The following ARHGAP32 variants were observed in gnomAD, a reference collection of about 807,000 sequenced individuals.
ARHGAP32 encodes the protein rho GTPase-activating protein 32.
In ARHGAP32, 51 loss-of-function variants were observed where a neutral mutation model predicts 186.5. The observed-to-expected ratio is 0.27, with a 90% confidence interval of 0.22 to 0.35. ARHGAP32 has a LOEUF of 0.35. Ranked by LOEUF, ARHGAP32 falls within the 10% of genes least tolerant of loss-of-function variation. The pLI is 1.00. For synonymous variants in ARHGAP32, 950 were observed against 964.3 expected (o/e 0.99, Z 0.27); for missense variants, 2,186 against 2,623.5 (o/e 0.83, Z 3.64).
chr11:129,178,157 C>T (rs1463900296), intron 1 of ARHGAP32, among the ~76,000 whole-genome samples: 1 of 151,684 alleles, frequency 6.6e-6, no homozygotes, highest in East Asian at 1.9e-4. Flanking sequence ...AACAGACAAA[C>T]AGAGAGCCAA....
intron 1 of ARHGAP32, among the ~76,000 whole-genome samples, chr11:129,209,313 T>C (rs1415734607): frequency 6.6e-6 from 1 of 151,810 alleles, no homozygotes; most frequent in Non-Finnish European, 1.5e-5. Flanking sequence ...CAAAAGAAGT[T>C]AGAGAGAGGC....
intron 5 of ARHGAP32, among the ~76,000 whole-genome samples, chr11:129,118,865 C>G (rs1411475915): frequency 6.6e-6 from 1 of 151,868 alleles, no homozygotes; most frequent in Admixed American, 6.6e-5. Flanking sequence ...ATTATAAAAT[C>G]TTAGTAGAGT....
intron 5 of ARHGAP32, among the ~76,000 whole-genome samples, chr11:129,112,577 T>G (rs1268468998): frequency 6.6e-6 from 1 of 152,164 alleles, no homozygotes; most frequent in Non-Finnish European, 1.5e-5. Context: ...CATGCAGATA[T>G]CCTTTCTTCT....
chr11:128,995,900 T>C (rs1357099227), intron 12 of ARHGAP32, among the ~76,000 whole-genome samples: 2 of 152,226 alleles, frequency 1.3e-5, no homozygotes, highest in Admixed American at 6.5e-5. Context: ...CATTATGCTA[T>C]GATGAACACT....
intron 12 of ARHGAP32, among the ~76,000 whole-genome samples, chr11:128,992,336 T>C (rs182354338): frequency 6.6e-6 from 1 of 152,068 alleles, no homozygotes; most frequent in African/African-American, 2.4e-5. Context: ...AAACTTTTAA[T>C]GAAATTCAGT....
chr11:129,136,747 T>C lies in ARHGAP32; in HGVS notation c.226-11853A>G, dbSNP rs560626926. ...ATTAAAATGAGGAAAAAGCATTAGATTATTGCAATAGATAACAGAAAAATT... is the reference window on the plus strand; with the variant it reads ...ATTAAAATGAGGAAAAAGCATTAGACTATTGCAATAGATAACAGAAAAATT... On this transcript the variant is annotated intron_variant, in intron 2 of 22. Transcript: ENST00000682385. Among the ~76,000 whole-genome samples, 4 of 152,168 alleles carry C rather than the reference T, an allele frequency of 2.6e-5. No homozygotes were observed. The South Asian group carries it at 8.3e-4, about 32-fold the overall frequency.
intron 1 of ARHGAP32, among the ~76,000 whole-genome samples, chr11:129,216,145 G>GT (rs1944641308): frequency 6.6e-6 from 1 of 152,090 alleles, no homozygotes; most frequent in African/African-American, 2.4e-5. Flanking sequence ...AACCAGAAGA[G>GT]TAAGTTTCTA....
chr11:129,267,751 T>A (rs567414154), intron 1 of ARHGAP32, among the ~76,000 whole-genome samples: 2 of 152,162 alleles, frequency 1.3e-5, no homozygotes, highest in Admixed American at 1.3e-4. Context: ...TAAAGAAGGT[T>A]TATTTGGTGC....
chr11:129,251,950 T>C (rs1427853154), intron 1 of ARHGAP32, among the ~76,000 whole-genome samples: 1 of 133,192 alleles, frequency 7.5e-6, no homozygotes, highest in Non-Finnish European at 1.6e-5. Context: ...AAAAAAAAAG[T>C]ACCATTACCA....
In ARHGAP32 at chr11:129,234,390, T is replaced by G. The variant is rs995488283; in HGVS notation, c.-5+44756A>C. ...TATTTTGAAACTATAAAAATATATA[T>G]GTAAAATAGTCTACTATATATTTTT... On this transcript the variant is annotated intron_variant, in intron 1 of 6. Transcript: ENST00000525234. 2.0e-5 allele frequency among the ~76,000 whole-genome samples: 3 copies of G among 152,054 alleles called. No homozygotes were observed. In the East Asian group the frequency reaches 5.8e-4, roughly 29 times the overall value.
chr11:129,129,719 A>T (rs1156514228), intron 2 of ARHGAP32, among the ~76,000 whole-genome samples: 1 of 152,350 alleles, frequency 6.6e-6, no homozygotes, highest in East Asian at 1.9e-4. Flanking sequence ...GCACACTGCT[A>T]AATGATCTTC....
intron 11 of ARHGAP32, among the ~76,000 whole-genome samples, chr11:129,015,871 G>T (rs1416067518): frequency 6.6e-6 from 1 of 152,118 alleles, no homozygotes. Flanking sequence ...GTATAATCTG[G>T]TAAGTGTCTC....
intron 1 of ARHGAP32, among the ~76,000 whole-genome samples, chr11:129,169,509 T>C (rs879515637): frequency 2.2e-4 from 33 of 151,658 alleles, no homozygotes; most frequent in Non-Finnish European, 2.9e-4. Context: ...CGGGCGCCTA[T>C]AGTCCCAGCT....
At chr11:129,090,477 A>C (rs1157498054) in intron 6 of ARHGAP32, among the ~76,000 whole-genome samples, 1 of 152,182 alleles carries the variant, frequency 6.6e-6, no homozygotes, top group African/African-American at 2.4e-5. Context: ...TAGTTAATAC[A>C]CTCTTAACTT....
At chr11:129,043,536 G>T (rs187487369) in intron 10 of ARHGAP32, among the ~76,000 whole-genome samples, 1 of 151,694 alleles carries the variant, frequency 6.6e-6, no homozygotes, top group East Asian at 1.9e-4. Flanking sequence ...ATACGCGTGC[G>T]CCACCATGCC....
rs142909178 is a variant in ARHGAP32 at position 128,999,231 on chromosome 11, G to C, written c.1046-763C>G. 4.8e-3 allele frequency among the ~76,000 whole-genome samples: 725 copies of C among 152,296 alleles called. 7 individuals carry two copies. The East Asian group carries it at 0.053, about 11-fold the overall frequency. ...TCTCTAACATGGCCGCTCTGGGAGT[G>C]TCTGTCTTATGCAGTTGTAGATAAG... On this transcript the variant is annotated intron_variant, in intron 11 of 22. Transcript: ENST00000682385.
chr11:129,013,321 G>A (rs1219666722), intron 11 of ARHGAP32, among the ~76,000 whole-genome samples: 1 of 152,202 alleles, frequency 6.6e-6, no homozygotes, highest in Non-Finnish European at 1.5e-5. Context: ...TTGCTACGTA[G>A]ATTAGAACTT....
chr11:129,221,479 CTGTGTGTG>C (rs537808170), intron 1 of ARHGAP32, among the ~76,000 whole-genome samples: 2,513 of 121,210 alleles, frequency 0.021, 34 homozygotes, highest in Middle Eastern at 0.057. Context: ...ATTGTCATTA[CTGTGTGTG>C]TGTGTGTGTG....
intron 5 of ARHGAP32, among the ~76,000 whole-genome samples, chr11:129,115,192 C>G (rs1942331887): frequency 6.6e-6 from 1 of 152,044 alleles, no homozygotes; most frequent in East Asian, 1.9e-4. Flanking sequence ...GTCCACCCAC[C>G]CTACCTTCAA....
Sources: gnomAD v4.1 joint callset for allele counts (sites outside exome capture counted in the v4.1 genomes callset) on GRCh38, gnomAD v4.1.1 for gene constraint, MANE v1.5 for transcripts, NCBI Gene and HGNC (gene_info 2026-07-23, HGNC 2026-07-21) for gene names.